BUD13: variants seen among roughly 807,000 people sequenced by gnomAD.
BUD13 encodes BUD13 homolog.
A neutral mutation model predicts 62.5 loss-of-function variants in BUD13; 47 were observed. That is an observed-to-expected ratio of 0.75 (90% CI 0.60 to 0.96). The LOEUF is 0.96. Ranked by LOEUF, BUD13 falls within the 40% of genes least tolerant of loss-of-function variation. BUD13 has a pLI of 0.00. For missense variants in BUD13, 821 were observed against 790.9 expected (o/e 1.04, Z -0.46); for synonymous variants, 293 against 280.1 (o/e 1.05, Z -0.46).
rs772001563 is a variant in BUD13 at position 116,762,998 on chromosome 11, A to G, written c.591T>C (p.Ser197=). 1.1e-5 allele frequency: 17 copies of G among 1,613,110 alleles called. No individual in the cohort carries two copies. Among genetic ancestry groups the G allele is most frequent in the African/African-American group, 2.7e-5 (2 of 74,668 alleles). Residue 197 remains serine (S), a synonymous_variant, in exon 4 of 10, where the codon TCT becomes TCC. Coordinates refer to ENST00000260210, the MANE Select transcript of BUD13 (RefSeq NM_032725.4). ...GCCTCCTTGGGGGAGAAGGATCTGG[A>G]GAATCATGACGGGCCCTCCTTGGGG... ...TSPPRRARHD[S]PDPSPPRRPQ...
chr11:116,748,360 G>T lies in BUD13; in HGVS notation c.*122C>A, dbSNP rs1367418421. 6 of 787,416 alleles carry T rather than the reference G, an allele frequency of 7.6e-6. No homozygotes were observed. Among genetic ancestry groups the T allele is most frequent in the Non-Finnish European group, 1.3e-5 (6 of 473,548 alleles). The allele number at this position is 787,416 out of a possible 1,614,324, so 48.8% of individuals were successfully genotyped here. A position where few individuals can be genotyped will look rare whatever the true frequency, so the allele number is the denominator to read the frequency against. On this transcript the variant is annotated 3_prime_UTR_variant, in exon 10 of 10. Coordinates refer to ENST00000260210, the MANE Select transcript of BUD13 (RefSeq NM_032725.4). ...GAATATTCTTCTGTGGTCAAAACTGGCATTCAACAAGTTGCTGGTCTGTGT... is the reference window on the plus strand; with the variant it reads ...GAATATTCTTCTGTGGTCAAAACTGTCATTCAACAAGTTGCTGGTCTGTGT...
intron 1 of BUD13, among the ~76,000 whole-genome samples, chr11:116,771,729 A>G (rs886789583): frequency 1.3e-5 from 2 of 152,238 alleles, no homozygotes; most frequent in Non-Finnish European, 2.9e-5. Flanking sequence ...GACGAAGACA[A>G]TAATAAGGCA....
At chr11:116,759,849 C>G (rs1039754803) in intron 5 of BUD13, among the ~76,000 whole-genome samples, 1 of 152,150 alleles carries the variant, frequency 6.6e-6, no homozygotes, top group Non-Finnish European at 1.5e-5. Context: ...CTGGTCTACC[C>G]TGCCAGGACC....
chr11:116,766,137 A>T (rs1940526738), intron 2 of BUD13, among the ~76,000 whole-genome samples: 1 of 152,232 alleles, frequency 6.6e-6, no homozygotes, highest in African/African-American at 2.4e-5. Flanking sequence ...CTGCCTTCCT[A>T]TAACTTCTTT....
At chr11:116,753,230 G>T (rs1454912995) in intron 9 of BUD13, among the ~76,000 whole-genome samples, 1 of 152,152 alleles carries the variant, frequency 6.6e-6, no homozygotes, top group East Asian at 1.9e-4. Flanking sequence ...AGGAATTAGT[G>T]CAAAGTGGGC....
chr11:116,767,544 G>A (rs1403167878), intron 2 of BUD13, among the ~76,000 whole-genome samples: 1 of 126,280 alleles, frequency 7.9e-6, no homozygotes, highest in Admixed American at 1.0e-4. Flanking sequence ...AGTGATCCGA[G>A]ATCACGCCAC....
At chr11:116,751,783 T>A (rs1940239904) in intron 9 of BUD13, among the ~76,000 whole-genome samples, 1 of 152,146 alleles carries the variant, frequency 6.6e-6, no homozygotes, top group Non-Finnish European at 1.5e-5. Flanking sequence ...AAAGGACATA[T>A]GAATAACAAA....
intron 2 of BUD13, among the ~76,000 whole-genome samples, chr11:116,766,938 A>G (rs1940540286): frequency 6.6e-6 from 1 of 152,188 alleles, no homozygotes; most frequent in Non-Finnish European, 1.5e-5. Context: ...CTGTAATCCT[A>G]GCACTTTGGG....
chr11:116,763,147 G>A lies in BUD13; in HGVS notation c.442C>T (p.Pro148Ser). ...PSPRKDRHDT[P>S]DPSPRRARHD... ...CGGGCCCTCCTAGGAGATGGATCCG[G>A]GGTGTCATGACGGTCCTTCCTAGGA... is the stretch of plus-strand genomic sequence containing the variant. The change falls in exon 4 of 10, where the codon CCG becomes TCG. Residue 148 changes from proline (P) to serine (S), a missense_variant. Transcript: ENST00000260210. 1 of 1,607,124 alleles carries A rather than the reference G, an allele frequency of 6.2e-7. No homozygotes were observed. The highest frequency in any genetic ancestry group is 8.5e-7 in the Non-Finnish European group (1 of 1,175,422).
intron 2 of BUD13, among the ~76,000 whole-genome samples, chr11:116,767,454 A>C (rs762366433): frequency 2.6e-5 from 4 of 151,516 alleles, no homozygotes; most frequent in Non-Finnish European, 4.4e-5. Flanking sequence ...TTAGCCAGGC[A>C]TGGTGGCAGG....
intron 5 of BUD13, 68 bp downstream of exon 5, chr11:116,760,667 G>A: frequency 2.0e-6 from 3 of 1,493,896 alleles, no homozygotes; most frequent in Non-Finnish European, 2.8e-6. Flanking sequence ...TTGATTCTCT[G>A]GGACATATAT....
chr11:116,770,087 C>T (rs752480273), intron 2 of BUD13, 42 bp downstream of exon 2: 1 of 1,377,600 alleles, frequency 7.3e-7, no homozygotes, highest in Non-Finnish European at 1.0e-6. Context: ...AATTGAGAAG[C>T]TTGCTTCATT....
chr11:116,752,287 T>G (rs957034078), intron 9 of BUD13, among the ~76,000 whole-genome samples: 2 of 152,154 alleles, frequency 1.3e-5, no homozygotes, highest in Non-Finnish European at 2.9e-5. Context: ...AATTATCTTA[T>G]GGGTTTTTCC....
intron 6 of BUD13, among the ~76,000 whole-genome samples, 178 bp from the exon 7 acceptor site, chr11:116,758,585 T>C (rs1357108094): frequency 3.3e-5 from 4 of 121,546 alleles, no homozygotes; most frequent in Non-Finnish European, 5.5e-5. Context: ...GCATTTTCCT[T>C]TTTTTTTTTT....
chr11:116,758,074 CA>C (rs1940363359), intron 7 of BUD13, 124 bp from the exon 8 acceptor site: 1 of 1,420,254 alleles, frequency 7.0e-7, no homozygotes, highest in Admixed American at 2.2e-5. Context: ...AAATACTGAG[CA>C]GGGTAAAATT....
chr11:116,770,582 C>T (rs1395570490), intron 1 of BUD13, among the ~76,000 whole-genome samples: 2 of 151,768 alleles, frequency 1.3e-5, no homozygotes, highest in Admixed American at 1.3e-4. Flanking sequence ...GCAAGCTCTG[C>T]CTCCCGGGTT....
chr11:116,754,003 T>C (rs1453759505), intron 9 of BUD13, among the ~76,000 whole-genome samples: 2 of 152,212 alleles, frequency 1.3e-5, no homozygotes, highest in African/African-American at 2.4e-5. Context: ...ATTCAGAAGA[T>C]AGACTATCCA....
chr11:116,767,099 G>A (rs1219462880), intron 2 of BUD13, among the ~76,000 whole-genome samples: 4 of 151,232 alleles, frequency 2.6e-5, no homozygotes, highest in Admixed American at 6.6e-5. Context: ...GAGGCAGGAG[G>A]TTCACTTGAA....
At chr11:116,751,054 G>A (rs17440396) in intron 9 of BUD13, among the ~76,000 whole-genome samples, 7,599 of 152,158 alleles carry the variant, frequency 0.05, 267 homozygotes, top group Admixed American at 0.1. Context: ...CATTTCATCC[G>A]TTAGGAAGCA....
Sources: gnomAD v4.1 joint callset for allele counts (sites outside exome capture counted in the v4.1 genomes callset) on GRCh38, gnomAD v4.1.1 for gene constraint, MANE v1.5 for transcripts, NCBI Gene and HGNC (gene_info 2026-07-23, HGNC 2026-07-21) for gene names.